Variants in LYST observed in about 807,000 individuals in gnomAD.
LYST encodes the protein lysosomal-trafficking regulator.
In LYST, 192 loss-of-function variants were observed where a neutral mutation model predicts 413.6. The ratio of observed to expected loss-of-function variants is 0.46; its 90% CI spans 0.41 to 0.52. LYST has a LOEUF of 0.52. Among genes scored for constraint, LYST ranks in the 20% least tolerant of loss-of-function variants. LYST has a pLI of 0.00. For missense variants in LYST, 3,815 were observed against 4,499.9 expected (o/e 0.85, Z 4.35); for synonymous variants, 1,525 against 1,567.3 (o/e 0.97, Z 0.64).
At position 235,806,089 on chromosome 1, in the gene LYST, G is replaced by T. The variant is rs768065591; in HGVS notation, c.3047C>A (p.Thr1016Lys). 11 of 1,613,428 alleles carry T rather than the reference G, an allele frequency of 6.8e-6. No individual in the cohort carries two copies. The highest frequency in any genetic ancestry group is 9.3e-6 in the Non-Finnish European group (11 of 1,179,610). Residue 1016 changes from threonine to lysine, a missense_variant, in exon 6 of 53, where the codon ACA becomes AAA. Transcript: ENST00000389793. ...KEEQGKKEGD[T>K]SVNENQDLNR... ...TAAATCCTGGTTTTCATTTACACTTGTATCTCCCTCCTTTTTTCCTTGCTC... is the reference window on the plus strand; with the variant it reads ...TAAATCCTGGTTTTCATTTACACTTTTATCTCCCTCCTTTTTTCCTTGCTC...
At position 235,688,323 on chromosome 1, in the gene LYST, C is replaced by T. The variant is rs185629625; in HGVS notation, c.10702-1276G>A. Among the ~76,000 whole-genome samples the T allele has an allele frequency of 1.3e-3, 197 of 152,160 alleles. 1 individual carries two copies. The highest frequency in any genetic ancestry group is 3.7e-3 in the African/African-American group (154 of 41,512). ...ACTACTCATCAATTATTCCTAAATA[C>T]GCAAAAAACAAACAAACAAGCAAGG... On this transcript the variant is annotated intron_variant, in intron 47 of 52. Transcript: ENST00000389793.
intron 1 of LYST, among the ~76,000 whole-genome samples, chr1:235,835,759 A>G (rs559050821): frequency 6.6e-6 from 1 of 152,300 alleles, no homozygotes; most frequent in East Asian, 1.9e-4. Flanking sequence ...TTAGCCCATT[A>G]TATATTTGCC....
At chr1:235,696,966 A>G in intron 46 of LYST, 117 bp downstream of exon 46, 1 of 965,740 alleles carries the variant, frequency 1.0e-6, no homozygotes. Flanking sequence ...CTAAATAACC[A>G]CAAATTTGAG....
chr1:235,718,977 C>G (rs1475164746), intron 40 of LYST, among the ~76,000 whole-genome samples: 2 of 152,156 alleles, frequency 1.3e-5, no homozygotes, highest in Admixed American at 6.5e-5. Context: ...ACTATCCTAT[C>G]TTTGGCAGCG....
intron 1 of LYST, among the ~76,000 whole-genome samples, chr1:235,853,236 T>G (rs534736139): frequency 1.2e-4 from 18 of 152,198 alleles, no homozygotes; most frequent in Non-Finnish European, 2.2e-4. Context: ...AAGAAGTATG[T>G]ACATTTTAAC....
rs112481538 is a variant in LYST, at chr1:235,690,512, TA to T, written c.10701+2837del. Among the ~76,000 whole-genome samples, 25 of 150,472 alleles carry T rather than the reference TA, an allele frequency of 1.7e-4. No individual in the cohort carries two copies. In the East Asian group the frequency reaches 2.7e-3, roughly 16 times the overall value. On this transcript the variant is annotated intron_variant, in intron 47 of 52. Transcript: ENST00000389793. ...TTAATGCAGCCTGATGTTTCAAAAC[TA>T]AAAAAAAAATCTTATTAAAGTTCCT...
At position 235,802,948 on chromosome 1, in the gene LYST, AT is replaced by A. The variant is rs1366063178; in HGVS notation, c.3671del (p.Asp1224ValfsTer16). On this transcript the variant is annotated frameshift_variant, in exon 8 of 53. Coordinates refer to ENST00000389793, the MANE Select transcript of LYST (RefSeq NM_000081.4). LOFTEE classifies it high-confidence loss of function. ...CGCCATCTTCAGGATTGCTTTCACT[AT>A]CTGCTTCGTAACCTTCTTCTTCAAC... ...LLVEEEGYEA[D>X]SESNPEDGET... 1 of 1,613,612 alleles carries A rather than the reference AT, an allele frequency of 6.2e-7. No individual in the cohort carries two copies. Among genetic ancestry groups the A allele is most frequent in the Non-Finnish European group, 8.5e-7 (1 of 1,179,804 alleles).
At chr1:235,667,006 G>A (rs1418537448) in intron 50 of LYST, among the ~76,000 whole-genome samples, 1 of 152,150 alleles carries the variant, frequency 6.6e-6, no homozygotes, top group Non-Finnish European at 1.5e-5. Flanking sequence ...GAACTTAGTA[G>A]CCAAAGAATT....
intron 30 of LYST, among the ~76,000 whole-genome samples, chr1:235,743,283 C>T (rs1298142014): frequency 1.3e-5 from 2 of 152,168 alleles, no homozygotes; most frequent in African/African-American, 4.8e-5. Flanking sequence ...TTAAAAACAG[C>T]TCCTCTCTAA....
intron 1 of LYST, among the ~76,000 whole-genome samples, chr1:235,857,008 C>T (rs370845049): frequency 6.9e-6 from 1 of 144,008 alleles, no homozygotes; most frequent in Non-Finnish European, 1.5e-5. Flanking sequence ...TGCAGTGGTG[C>T]GATCTCGGCT....
In LYST at chr1:235,678,604, T is replaced by C. The variant is rs116015648; in HGVS notation, c.10801-985A>G. 4.9e-3 allele frequency among the ~76,000 whole-genome samples: 752 copies of C among 152,302 alleles called. 5 individuals are homozygous for C. The highest frequency in any genetic ancestry group is 0.017 in the African/African-American group (714 of 41,566). ...TATAGAAAAGTAGAAAGAATAAGTA[T>C]AATAAAGAGCTATATACTGACTACC... On this transcript the variant is annotated intron_variant, in intron 48 of 52. Transcript: ENST00000389793.
At chr1:235,816,987 T>C (rs1381675290) in intron 3 of LYST, among the ~76,000 whole-genome samples, 1 of 152,168 alleles carries the variant, frequency 6.6e-6, no homozygotes, top group Non-Finnish European at 1.5e-5. Context: ...AAAGGTCTAA[T>C]ATACAGAATC....
intron 3 of LYST, 143 bp from the exon 4 acceptor site, chr1:235,813,204 C>A: frequency 1.5e-6 from 1 of 677,718 alleles, no homozygotes; most frequent in Non-Finnish European, 2.7e-6. Context: ...AACCTATCTT[C>A]AATCCAGTTA....
In LYST at chr1:235,823,952, T is replaced by C. The variant is rs79017910; in HGVS notation, c.192+6274A>G. 2.6e-3 allele frequency among the ~76,000 whole-genome samples: 403 copies of C among 152,352 alleles called. 1 individual carries two copies. Among genetic ancestry groups the C allele is most frequent in the African/African-American group, 9.2e-3 (381 of 41,584 alleles). ...CGCATCTAGCAGAGGTGCTGGGCCA[T>C]AGTAGGTACTTAATGGTCTGCTGAG... On this transcript the variant is annotated intron_variant, in intron 3 of 52. Transcript: ENST00000389793.
At chr1:235,804,100 TAG>T (rs1432801369) in intron 7 of LYST, among the ~76,000 whole-genome samples, 3 of 152,080 alleles carry the variant, frequency 2.0e-5, no homozygotes, top group Non-Finnish European at 4.4e-5. Flanking sequence ...TTAATGTGAG[TAG>T]AGAGTTCTGG....
intron 1 of LYST, among the ~76,000 whole-genome samples, chr1:235,874,854 C>CATAG (rs1185096342): frequency 6.6e-6 from 1 of 152,000 alleles, no homozygotes; most frequent in African/African-American, 2.4e-5. Context: ...CGTGTGTGTG[C>CATAG]ATAGATGTGT....
chr1:235,681,603 G>A (rs1432108448), intron 48 of LYST, among the ~76,000 whole-genome samples: 1 of 152,144 alleles, frequency 6.6e-6, no homozygotes, highest in South Asian at 2.1e-4. Flanking sequence ...AAAGGAATGA[G>A]CTGGGGCAAT....
intron 42 of LYST, among the ~76,000 whole-genome samples, chr1:235,714,431 T>A (rs887786983): frequency 6.6e-6 from 1 of 152,170 alleles, no homozygotes; most frequent in African/African-American, 2.4e-5. Context: ...GAGACAAACA[T>A]AGGAAAGCCC....
In LYST at chr1:235,781,716, G is replaced by A. The variant is rs566596979; in HGVS notation, c.5023+211C>T. Among the ~76,000 whole-genome samples, 7 of 151,864 alleles carry A rather than the reference G, an allele frequency of 4.6e-5. No homozygotes were observed. The East Asian group carries it at 7.7e-4, about 17-fold the overall frequency. On this transcript the variant is annotated intron_variant, in intron 15 of 52. Coordinates refer to ENST00000389793, the MANE Select transcript of LYST (RefSeq NM_000081.4). The stretch of plus-strand genomic sequence containing the variant: ...TAAGACACAACTAGATTACAAAAAC[G>A]TTAAAATATTTTAAAAGTATATCTT...
Sources: gnomAD v4.1 joint callset for allele counts (sites outside exome capture counted in the v4.1 genomes callset) on GRCh38, gnomAD v4.1.1 for gene constraint, MANE v1.5 for transcripts, NCBI Gene and HGNC (gene_info 2026-07-23, HGNC 2026-07-21) for gene names.